RAI14: variants seen among roughly 807,000 people sequenced by gnomAD.
RAI14 encodes the protein ankycorbin.
Under a neutral mutation model 115.4 loss-of-function variants are expected in RAI14, and 45 were observed. The ratio of observed to expected loss-of-function variants is 0.39; its 90% CI spans 0.31 to 0.50. RAI14 has a LOEUF of 0.50. Ranked by LOEUF, RAI14 falls within the 20% of genes least tolerant of loss-of-function variation. The pLI is 0.85. For synonymous variants in RAI14, 371 were observed against 415.4 expected, an observed-to-expected ratio of 0.89 and a Z score of 1.30; for missense variants, 939 against 1,131.2, an observed-to-expected ratio of 0.83 and a Z score of 2.44.
At chr5:34,720,632 G>A (rs539205591) in intron 2 of RAI14, among the ~76,000 whole-genome samples, 8 of 151,788 alleles carry the variant, frequency 5.3e-5, no homozygotes, top group South Asian at 2.1e-4. Flanking sequence ...GGGTGGTCTC[G>A]ATCTCCTGAC....
chr5:34,711,428 A>G (rs1220548213), intron 2 of RAI14, among the ~76,000 whole-genome samples: 2 of 152,224 alleles, frequency 1.3e-5, no homozygotes, highest in Non-Finnish European at 2.9e-5. Flanking sequence ...AAGTACATTG[A>G]TCAGTGAGGG....
At chr5:34,681,600 C>T (rs1744383499) in intron 1 of RAI14, among the ~76,000 whole-genome samples, 1 of 151,986 alleles carries the variant, frequency 6.6e-6, no homozygotes, top group African/African-American at 2.4e-5. Context: ...GCTCAAGTGA[C>T]CCTTCCACCT....
At chr5:34,816,454 A>G (rs1756234029) in intron 12 of RAI14, among the ~76,000 whole-genome samples, 1 of 152,164 alleles carries the variant, frequency 6.6e-6, no homozygotes, top group Non-Finnish European at 1.5e-5. Flanking sequence ...TATTTTACAA[A>G]TGTTAGAAAA....
chr5:34,759,570 C>T (rs1299118788), intron 3 of RAI14, among the ~76,000 whole-genome samples: 1 of 152,088 alleles, frequency 6.6e-6, no homozygotes, highest in East Asian at 1.9e-4. Flanking sequence ...GAATCTAATG[C>T]CTGATGATCT....
intron 4 of RAI14, among the ~76,000 whole-genome samples, chr5:34,800,940 A>G (rs1039240475): frequency 6.6e-6 from 1 of 152,228 alleles, no homozygotes; most frequent in African/African-American, 2.4e-5. Context: ...TTCATTTGTA[A>G]GGCATTTGTT....
At chr5:34,772,598 A>AG (rs1467415597) in intron 3 of RAI14, among the ~76,000 whole-genome samples, 2 of 152,282 alleles carry the variant, frequency 1.3e-5, no homozygotes, top group Admixed American at 6.5e-5. Flanking sequence ...CAACTGCCTC[A>AG]GATTGGTTTA....
chr5:34,831,159 T>TCAG lies in RAI14; in HGVS notation c.*397_*399dup, dbSNP rs1757992527. On this transcript the variant is annotated 3_prime_UTR_variant, in exon 18 of 18. Transcript: ENST00000265109. ...CATTCCTGTACTCGGGCAGTGCCAT[T>TCAG]CAGCACAGGAGAGCTCTTTTTGCCT... The TCAG allele has an allele frequency of 5.7e-6, 1 of 175,950 alleles. No individual in the cohort carries two copies. Among genetic ancestry groups the TCAG allele is most frequent in the African/African-American group, 2.4e-5 (1 of 42,136 alleles). The allele number at this position is 175,950 out of a possible 1,614,324, so 10.9% of individuals were successfully genotyped here.
chr5:34,687,863 G>A (rs1182763383), intron 2 of RAI14: 3 of 1,134,570 alleles, frequency 2.6e-6, no homozygotes, highest in Non-Finnish European at 3.8e-6. Flanking sequence ...TGGAGGCTGT[G>A]TCTTTTATGG....
chr5:34,830,534 A>G (rs573905839), intron 17 of RAI14, among the ~76,000 whole-genome samples, 154 bp from the exon 18 acceptor site: 1 of 152,274 alleles, frequency 6.6e-6, no homozygotes, highest in Admixed American at 6.5e-5. Flanking sequence ...TCAGTTCCTC[A>G]TAGAAATTTG....
rs372126519 is a variant in RAI14 at position 34,666,866 on chromosome 5, G to A, written c.-49+10391G>A. 1.6e-4 allele frequency among the ~76,000 whole-genome samples: 24 copies of A among 152,296 alleles called. 1 individual carries two copies. The highest frequency in any genetic ancestry group is 5.3e-4 in the African/African-American group (22 of 41,568). On this transcript the variant is annotated intron_variant, in intron 1 of 17. Coordinates refer to ENST00000265109, the MANE Select transcript of RAI14 (RefSeq NM_015577.3). ...CCAGTATGTGTTGATGGGATAATTG[G>A]GTATTAGAAGATCTCTGGATGAATG...
chr5:34,706,471 C>A (rs1031361067), intron 2 of RAI14, among the ~76,000 whole-genome samples: 3 of 152,144 alleles, frequency 2.0e-5, no homozygotes, highest in Non-Finnish European at 4.4e-5. Flanking sequence ...AGGGTTCTTG[C>A]TCAAAATATC....
chr5:34,787,147 C>G lies in RAI14; in HGVS notation c.168-8792C>G, dbSNP rs71615828. Among the ~76,000 whole-genome samples, 4 of 152,184 alleles carry G rather than the reference C, an allele frequency of 2.6e-5. No homozygotes were observed. In the East Asian group the frequency reaches 7.7e-4, roughly 29 times the overall value. On this transcript the variant is annotated intron_variant, in intron 3 of 17. Transcript: ENST00000265109. ...TTCAGCATGGGTGTCATGGCCATCA[C>G]GAACATGTCACAGTGCTGCAGAGAT...
Position 34,796,175 on chromosome 5 carries a change from A to G in RAI14, c.256+148A>G, listed in dbSNP as rs564383757. 95 of 598,994 alleles carry G rather than the reference A, an allele frequency of 1.6e-4. No individual in the cohort carries two copies. The African/African-American group carries it at 1.6e-3, about 10-fold the overall frequency. The allele number at this position is 598,994 out of a possible 1,614,324, so 37.1% of individuals were successfully genotyped here. A position where few individuals can be genotyped will look rare whatever the true frequency, so the allele number is the denominator to read the frequency against. On this transcript the variant is annotated intron_variant, in intron 4 of 17. Coordinates refer to ENST00000265109, the MANE Select transcript of RAI14 (RefSeq NM_015577.3). Reference sequence around the variant, plus strand: ...TCTGCGAGGGTGAGGTGTGTGGATCACTTGAGGCCAGGAGTTCAAGGCCAG... The same window carrying G: ...TCTGCGAGGGTGAGGTGTGTGGATCGCTTGAGGCCAGGAGTTCAAGGCCAG...
At chr5:34,713,907 A>G (rs1314889142) in intron 2 of RAI14, among the ~76,000 whole-genome samples, 1 of 151,978 alleles carries the variant, frequency 6.6e-6, no homozygotes, top group Non-Finnish European at 1.5e-5. Flanking sequence ...CCGGTTTCAA[A>G]CGATTCTCCT....
intron 2 of RAI14, among the ~76,000 whole-genome samples, chr5:34,741,918 A>G (rs147273314): frequency 6.6e-6 from 1 of 152,288 alleles, no homozygotes; most frequent in African/African-American, 2.4e-5. Flanking sequence ...TTTTATGAAG[A>G]ATCCACACGT....
intron 1 of RAI14, among the ~76,000 whole-genome samples, chr5:34,668,133 C>T (rs1329628964): frequency 3.9e-5 from 6 of 152,084 alleles, no homozygotes; most frequent in Non-Finnish European, 7.3e-5. Context: ...TGGACTCACG[C>T]GTATAATCCC....
At chr5:34,792,846 G>C (rs1293095597) in intron 3 of RAI14, among the ~76,000 whole-genome samples, 1 of 152,126 alleles carries the variant, frequency 6.6e-6, no homozygotes, top group African/African-American at 2.4e-5. Flanking sequence ...TGCAGCTTTA[G>C]GTAAAATACA....
At chr5:34,665,332 C>CT (rs1328391511) in intron 1 of RAI14, among the ~76,000 whole-genome samples, 1 of 150,180 alleles carries the variant, frequency 6.7e-6, no homozygotes, top group Non-Finnish European at 1.5e-5. Context: ...CAAGCAGCAT[C>CT]TACCTCTTTT....
chr5:34,829,870 C>A, intron 17 of RAI14, 73 bp downstream of exon 17: 1 of 1,211,586 alleles, frequency 8.3e-7, no homozygotes, highest in Admixed American at 2.2e-5. Context: ...GAACTCCCAT[C>A]ATTTAACTAG....
Sources: gnomAD v4.1 joint callset for allele counts (sites outside exome capture counted in the v4.1 genomes callset) on GRCh38, gnomAD v4.1.1 for gene constraint, MANE v1.5 for transcripts, NCBI Gene and HGNC (gene_info 2026-07-23, HGNC 2026-07-21) for gene names.